Variants in ACACB observed in about 807,000 individuals in gnomAD.
ACACB encodes acetyl-CoA carboxylase beta.
Under a neutral mutation model 278.8 loss-of-function variants are expected in ACACB, and 209 were observed. That is an observed-to-expected ratio of 0.75 (90% CI 0.67 to 0.84). The LOEUF is 0.84. ACACB is among the 40% of genes least tolerant of loss of function. The pLI is 0.00. For missense variants in ACACB, 2,850 were observed against 3,269.0 expected (o/e 0.87, Z 3.13); for synonymous variants, 1,174 against 1,285.6 (o/e 0.91, Z 1.86).
intron 24 of ACACB, 111 bp downstream of exon 24, chr12:109,217,031 C>CAAAGTGATGGG: frequency 7.2e-7 from 1 of 1,391,032 alleles, no homozygotes; most frequent in Non-Finnish European, 9.6e-7. Flanking sequence ...CCTGTAATCC[C>CAAAGTGATGGG]ATCACTTTGG....
chr12:109,183,196 A>C (rs1479349419), intron 11 of ACACB, among the ~76,000 whole-genome samples: 2 of 150,908 alleles, frequency 1.3e-5, no homozygotes, highest in African/African-American at 2.4e-5. Flanking sequence ...CTGTAATATA[A>C]CTCATAGTCA....
intron 41 of ACACB, 141 bp downstream of exon 41, chr12:109,250,245 A>C: frequency 1.1e-6 from 1 of 895,132 alleles, no homozygotes; most frequent in East Asian, 3.1e-5. Flanking sequence ...CAGCCCACTG[A>C]TATTTCCTCA....
chr12:109,155,755 C>G (rs2043514450), intron 2 of ACACB, among the ~76,000 whole-genome samples: 1 of 151,340 alleles, frequency 6.6e-6, no homozygotes, highest in African/African-American at 2.4e-5. Flanking sequence ...ATGGTTTTTT[C>G]ATGTTTAAGT....
At chr12:109,152,104 G>T (rs1434798094) in intron 2 of ACACB, among the ~76,000 whole-genome samples, 1 of 152,178 alleles carries the variant, frequency 6.6e-6, no homozygotes, top group Non-Finnish European at 1.5e-5. Context: ...TGTCTTTCAG[G>T]CTGTATTAGC....
At chr12:109,259,165 C>T (rs2047312779) in intron 47 of ACACB, 57 bp downstream of exon 47, 1 of 1,586,094 alleles carries the variant, frequency 6.3e-7, no homozygotes, top group Admixed American at 1.7e-5. Flanking sequence ...CCCAGGACAG[C>T]ACCCTCTGGG....
chr12:109,261,450 G>A (rs1258219027), intron 48 of ACACB, among the ~76,000 whole-genome samples: 1 of 152,198 alleles, frequency 6.6e-6, no homozygotes. Context: ...AGCAGCACTT[G>A]AATGGAGTCA....
chr12:109,179,350 G>A lies in ACACB; in HGVS notation c.1647+53G>A. Reference sequence around the variant, plus strand: ...CTTCAGAGAGAGCCGTCTCAGCTCAGAGTCAGGAAGAACTTTCTACGGTCA... The same window carrying A: ...CTTCAGAGAGAGCCGTCTCAGCTCAAAGTCAGGAAGAACTTTCTACGGTCA... On this transcript the variant is annotated intron_variant, in intron 10 of 52. Coordinates refer to ENST00000338432, the MANE Select transcript of ACACB (RefSeq NM_001093.4). The A allele has an allele frequency of 9.6e-6, 15 of 1,557,042 alleles. No individual in the cohort carries two copies. In the South Asian group the frequency reaches 1.7e-4, roughly 18 times the overall value.
Position 109,197,034 on chromosome 12 carries a change from C to T in ACACB, c.2508C>T (p.Phe836=), listed in dbSNP as rs764629105. Residue 836 remains phenylalanine, a synonymous_variant, in exon 17 of 53, where the codon TTC becomes TTT. Transcript: ENST00000338432. Reference sequence around the variant, plus strand: ...TGGCCCGGCAGTCTCTGACCATGTTCGTTCTCATCATGAATGGCTGCCACA... The same window carrying T: ...TGGCCCGGCAGTCTCTGACCATGTTTGTTCTCATCATGAATGGCTGCCACA... The part of the protein sequence containing the change: ...LKVARQSLTM[F]VLIMNGCHIE... 2.0e-5 allele frequency: 32 copies of T among 1,582,912 alleles called. No individual in the cohort carries two copies. In the East Asian group the frequency reaches 3.8e-4, roughly 19 times the overall value.
intron 21 of ACACB, among the ~76,000 whole-genome samples, chr12:109,209,791 G>A (rs1207043508): frequency 6.8e-6 from 1 of 147,360 alleles, no homozygotes. Context: ...GTGTATCTGT[G>A]TGTATATATA....
At position 109,237,395 on chromosome 12, in the gene ACACB, A is replaced by G; in HGVS notation, c.4662+15A>G. ...TGATCACAAAGGTAAGATGTCGCAG[A>G]GCATTTCTTCCTCTCTCAGAACCTG... On this transcript the variant is annotated intron_variant, in intron 34 of 52. Coordinates refer to ENST00000338432, the MANE Select transcript of ACACB (RefSeq NM_001093.4). 6.2e-7 allele frequency: 1 copy of G among 1,607,224 alleles called. No homozygotes were observed.
chr12:109,176,237 G>A lies in ACACB; in HGVS notation c.1411G>A (p.Glu471Lys). Residue 471 changes from glutamate to lysine, a missense_variant, in exon 9 of 53, where the codon GAG becomes AAG. Around this residue, in one of 3 missense-constraint regions of ACACB, gnomAD observed 2,265 missense variants for 2,561.3 expected, o/e 0.88. Coordinates refer to ENST00000338432, the MANE Select transcript of ACACB (RefSeq NM_001093.4). ...GGGAATCCGGAAGGCTGAGAGTGCG[G>A]AGGACTTCCCGATCCTTTTCAGACA... ...GKGIRKAESAEDFPILFRQVQ... is the reference protein window; with the variant it reads ...GKGIRKAESAKDFPILFRQVQ... The A allele has an allele frequency of 6.2e-7, 1 of 1,614,206 alleles. No homozygotes were observed. Among genetic ancestry groups the A allele is most frequent in the Non-Finnish European group, 8.5e-7 (1 of 1,180,024 alleles).
In ACACB at chr12:109,194,045, C is replaced by T. The variant is rs1026536543; in HGVS notation, c.2481+316C>T. Among the ~76,000 whole-genome samples, 16 of 152,260 alleles carry T rather than the reference C, an allele frequency of 1.1e-4. 1 individual carries two copies. Among genetic ancestry groups the T allele is most frequent in the Admixed American group, 6.5e-4 (10 of 15,290 alleles). On this transcript the variant is annotated intron_variant, in intron 16 of 52. Transcript: ENST00000338432. ...CAGTTCTGGAAGCCAAGTCTAAAAT[C>T]GAGGTGTTGGCGGGCCGTGGTCTCT... is the stretch of plus-strand genomic sequence containing the variant.
intron 34 of ACACB, among the ~76,000 whole-genome samples, chr12:109,237,926 C>A (rs2046677186): frequency 6.6e-6 from 1 of 150,630 alleles, no homozygotes; most frequent in Non-Finnish European, 1.5e-5. Context: ...GCATGAGAAT[C>A]GCTTGAACCT....
chr12:109,259,118 T>G lies in ACACB; in HGVS notation c.6496+10T>G, dbSNP rs748919923. 27 of 1,612,964 alleles carry G rather than the reference T, an allele frequency of 1.7e-5. No homozygotes were observed. The highest frequency in any genetic ancestry group is 2.7e-5 in the African/African-American group (2 of 74,858). ...TCCGGTGGCATGAAAGGTAAGCCCC[T>G]CCCTGCCTATGTTACCCCAAAGCCT... is the stretch of plus-strand genomic sequence containing the variant. On this transcript the variant is annotated intron_variant, in intron 47 of 52. Transcript: ENST00000338432.
At chr12:109,150,059 T>C (rs182842435) in intron 2 of ACACB, among the ~76,000 whole-genome samples, 16 of 152,302 alleles carry the variant, frequency 1.1e-4, no homozygotes, top group East Asian at 3.9e-4. Context: ...TCAGGCTTCA[T>C]TGAGTTGCTG....
intron 2 of ACACB, among the ~76,000 whole-genome samples, chr12:109,144,449 C>G (rs2043189171): frequency 6.6e-6 from 1 of 152,152 alleles, no homozygotes; most frequent in South Asian, 2.1e-4. Context: ...TGCACACATA[C>G]AGGCAGGGTA....
intron 21 of ACACB, among the ~76,000 whole-genome samples, chr12:109,210,169 A>ATATATGTATATATACACACATGTGTG (rs2045708348): frequency 2.4e-5 from 1 of 42,512 alleles, no homozygotes; most frequent in Non-Finnish European, 4.9e-5. Context: ...GTGTATATGT[A>ATATATGTATATATACACACATGTGTG]TATATGTATA....
At chr12:109,155,108 G>T (rs2043494275) in intron 2 of ACACB, among the ~76,000 whole-genome samples, 1 of 152,118 alleles carries the variant, frequency 6.6e-6, no homozygotes, top group South Asian at 2.1e-4. Context: ...TGCCCGCCTT[G>T]GAAACTCTAG....
Position 109,179,945 on chromosome 12 carries a change from G to A in ACACB, c.1676G>A (p.Gly559Asp). ...GCCATCCGCCTGGCCAAGACCGTGG[G>A]CTATGTGAGTGCAGGGACAGTGGAA... is the stretch of plus-strand genomic sequence containing the variant. ...QCAIRLAKTV[G>D]YVSAGTVEYL... is the part of the protein sequence containing the mutation. Residue 559 changes from glycine (G) to aspartate (D), a missense_variant, in exon 11 of 53, where the codon GGC becomes GAC. Transcript: ENST00000338432. 6.2e-7 allele frequency: 1 copy of A among 1,612,756 alleles called. No homozygotes were observed. The highest frequency in any genetic ancestry group is 8.5e-7 in the Non-Finnish European group (1 of 1,178,924).
Sources: gnomAD v4.1 joint callset for allele counts (sites outside exome capture counted in the v4.1 genomes callset) on GRCh38, gnomAD v4.1.1 for gene constraint, gnomAD v4.1.1 regional missense constraint, MANE v1.5 for transcripts, NCBI Gene and HGNC (gene_info 2026-07-23, HGNC 2026-07-21) for gene names.